ANKRD66: variants seen among roughly 807,000 people sequenced by gnomAD.
The protein encoded by ANKRD66 is ankyrin repeat domain-containing protein 66.
In ANKRD66, 10 loss-of-function variants were observed where a neutral mutation model predicts 10.9. That is an observed-to-expected ratio of 0.91 (90% CI 0.56 to 1.55). ANKRD66 has a LOEUF of 1.55. Ranked by LOEUF, ANKRD66 falls within the 40% of genes most tolerant of loss-of-function variation. ANKRD66 has a pLI of 0.00. For missense variants in ANKRD66, 252 were observed against 242.9 expected (o/e 1.04, Z -0.25); for synonymous variants, 85 against 88.4 (o/e 0.96, Z 0.22).
chr6:46,758,346 A>G (rs1207397337), intron 4 of ANKRD66: 1 of 163,562 alleles, frequency 6.1e-6, no homozygotes, highest in Non-Finnish European at 1.3e-5. Flanking sequence ...CTGTACTTTT[A>G]AATTTTATAC....
At chr6:46,756,567 A>G (rs1418793425) in intron 4 of ANKRD66, 2 of 152,406 alleles carry the variant, frequency 1.3e-5, no homozygotes, top group African/African-American at 4.8e-5. Flanking sequence ...TGATAGTTGT[A>G]CTTCTTTGAA....
chr6:46,758,177 G>T (rs1315002541), intron 4 of ANKRD66: 1 of 152,140 alleles, frequency 6.6e-6, no homozygotes, highest in Admixed American at 6.5e-5. Context: ...ATACAAAACT[G>T]TATATGTGTG....
At chr6:46,757,228 C>A (rs767608426) in intron 4 of ANKRD66, 2 of 152,046 alleles carry the variant, frequency 1.3e-5, no homozygotes, top group Non-Finnish European at 1.5e-5. Context: ...TAACCTGGAT[C>A]TTGAAAGCTA....
intron 2 of ANKRD66, among the ~76,000 whole-genome samples, chr6:46,750,721 CAT>C (rs1159114494): frequency 1.3e-5 from 2 of 148,766 alleles, no homozygotes; most frequent in Non-Finnish European, 3.0e-5. Context: ...ATAATATACA[CAT>C]ATATATTATA....
chr6:46,758,593 A>C, intron 4 of ANKRD66, 130 bp from the exon 5 acceptor site: 5 of 839,190 alleles, frequency 6.0e-6, no homozygotes, highest in Non-Finnish European at 6.9e-6. Context: ...GTATGCTTGG[A>C]AATGCTCAAA....
intron 4 of ANKRD66, among the ~76,000 whole-genome samples, chr6:46,755,286 A>G (rs1295285981): frequency 6.6e-6 from 1 of 152,194 alleles, no homozygotes; most frequent in Non-Finnish European, 1.5e-5. Context: ...TCCCACGTCA[A>G]TATATGGGTA....
chr6:46,749,870 G>A (rs1022921943), intron 1 of ANKRD66, 26 bp from the exon 2 acceptor site: 18 of 1,541,570 alleles, frequency 1.2e-5, no homozygotes, highest in Middle Eastern at 1.7e-4. Flanking sequence ...TTTTAATTAC[G>A]TTTACTTTTC....
chr6:46,756,931 C>G (rs1295858379), intron 4 of ANKRD66: 1 of 152,148 alleles, frequency 6.6e-6, no homozygotes, highest in Non-Finnish European at 1.5e-5. Flanking sequence ...TAGGGTCCTG[C>G]CCTTGGCTGT....
intron 4 of ANKRD66, among the ~76,000 whole-genome samples, chr6:46,754,685 G>T (rs1004675282): frequency 5.3e-5 from 8 of 152,150 alleles, no homozygotes; most frequent in African/African-American, 1.9e-4. Flanking sequence ...GCCCTCCGAA[G>T]AACCTGAAAA....
At chr6:46,758,657 G>T in intron 4 of ANKRD66, 66 bp from the exon 5 acceptor site, 1 of 1,435,478 alleles carries the variant, frequency 7.0e-7, no homozygotes, top group Non-Finnish European at 9.2e-7. Context: ...TGTGAATAAA[G>T]GCCGATTCCC....
At chr6:46,750,034 G>A in intron 2 of ANKRD66, 55 bp downstream of exon 2, 1 of 888,070 alleles carries the variant, frequency 1.1e-6, no homozygotes, top group Non-Finnish European at 1.8e-6. Context: ...CCCAGGGGCT[G>A]CTGCTGCTGC....
chr6:46,752,580 G>A (rs920754443), intron 3 of ANKRD66, among the ~76,000 whole-genome samples: 1 of 152,186 alleles, frequency 6.6e-6, no homozygotes, highest in African/African-American at 2.4e-5. Flanking sequence ...ACTAGTTGTA[G>A]CATCTTAAGC....
intron 3 of ANKRD66, 111 bp from the exon 4 acceptor site, chr6:46,753,611 C>T (rs1766312781): frequency 2.7e-6 from 3 of 1,111,830 alleles, no homozygotes; most frequent in South Asian, 3.5e-5. Flanking sequence ...CTGGAGGCTC[C>T]TCAAAGGCAA....
At chr6:46,749,068 A>G (rs572092185) in intron 1 of ANKRD66, among the ~76,000 whole-genome samples, 1 of 152,282 alleles carries the variant, frequency 6.6e-6, no homozygotes, top group South Asian at 2.1e-4. Context: ...TTGAACCTCC[A>G]TGGGATAGCA....
intron 4 of ANKRD66, chr6:46,755,955 G>A (rs893091338): frequency 8.3e-6 from 2 of 241,332 alleles, no homozygotes; most frequent in Non-Finnish European, 1.7e-5. Flanking sequence ...TGTTTCTAAA[G>A]TGTACAGTTC....
At position 46,749,183 on chromosome 6, in the gene ANKRD66, C is replaced by T. The variant is rs1357274775; in HGVS notation, c.-96-713C>T. Among the ~76,000 whole-genome samples, 9 of 152,322 alleles carry T rather than the reference C, an allele frequency of 5.9e-5. No individual in the cohort carries two copies. In the South Asian group the frequency reaches 1.7e-3, roughly 28 times the overall value. ...ACTGCCCAGGCCCTGCTGGTCACCA[C>T]CTACACAATGGAGACTCTGCTGGTG... On this transcript the variant is annotated intron_variant, in intron 1 of 4. Coordinates refer to ENST00000565422, the MANE Select transcript of ANKRD66 (RefSeq NM_001162435.3).
intron 1 of ANKRD66, among the ~76,000 whole-genome samples, chr6:46,747,505 C>T (rs879790978): frequency 4.0e-4 from 61 of 152,226 alleles, no homozygotes; most frequent in African/African-American, 1.4e-3. Flanking sequence ...TACATTCTAG[C>T]TATCTAGATT....
chr6:46,749,199 T>G (rs1009044902), intron 1 of ANKRD66, among the ~76,000 whole-genome samples: 1 of 152,182 alleles, frequency 6.6e-6, no homozygotes, highest in Non-Finnish European at 1.5e-5. Flanking sequence ...CAATGGAGAC[T>G]CTGCTGGTGG....
intron 4 of ANKRD66, among the ~76,000 whole-genome samples, chr6:46,754,605 G>A (rs1363884049): frequency 6.6e-6 from 1 of 152,118 alleles, no homozygotes; most frequent in Non-Finnish European, 1.5e-5. Context: ...ATTGGAGTGA[G>A]GGCATCGTTG....
Sources: gnomAD v4.1 joint callset for allele counts (sites outside exome capture counted in the v4.1 genomes callset) on GRCh38, gnomAD v4.1.1 for gene constraint, MANE v1.5 for transcripts, NCBI Gene and HGNC (gene_info 2026-07-23, HGNC 2026-07-21) for gene names.